LRRC36: variants seen among roughly 807,000 people sequenced by gnomAD.
LRRC36 encodes leucine-rich repeat-containing protein 36.
In LRRC36, 62 loss-of-function variants were observed where a neutral mutation model predicts 81.1. The observed-to-expected ratio is 0.76, with a 90% CI of 0.62 to 0.94. LRRC36 has a LOEUF of 0.94. Among genes scored for constraint, LRRC36 ranks in the 40% least tolerant of loss-of-function variants. The probability of loss-of-function intolerance (pLI) is 0.00; values close to 1 mark genes in which losing one functional copy is unlikely to be tolerated. For missense variants in LRRC36, 761 were observed against 881.7 expected (o/e 0.86, Z 1.73); for synonymous variants, 334 against 348.6 (o/e 0.96, Z 0.47).
In LRRC36 at chr16:67,367,444, G is replaced by A. The variant is rs766610789; in HGVS notation, c.1182G>A (p.Leu394=). 2 of 1,612,224 alleles carry A rather than the reference G, an allele frequency of 1.2e-6. No individual in the cohort carries two copies. The highest frequency in any genetic ancestry group is 2.2e-5 in the South Asian group (2 of 90,752). ...CTGACTCCAGCACTGGAAGGCTTTT[G>A]AAGCTTAGTTCAGGTAACAGCTTCC... ...SNPDSSTGRL[L]KLSSDLYATT... is the part of the protein sequence containing the mutation. The change falls in exon 8 of 14, where the codon TTG becomes TTA. Residue 394 remains leucine (L), a synonymous_variant. Coordinates refer to ENST00000329956, the MANE Select transcript of LRRC36 (RefSeq NM_018296.6).
At chr16:67,341,776 A>G (rs1257870703) in intron 1 of LRRC36, among the ~76,000 whole-genome samples, 181 bp from the exon 2 acceptor site, 2 of 152,178 alleles carry the variant, frequency 1.3e-5, no homozygotes, top group Admixed American at 6.6e-5. Flanking sequence ...CTATAAAACT[A>G]AGGTTCAATG....
intron 9 of LRRC36, chr16:67,371,497 T>C (rs916152464): frequency 8.4e-5 from 43 of 511,686 alleles, no homozygotes; most frequent in African/African-American, 7.7e-4. Context: ...CGGCTGAAGA[T>C]TGAACTCTGT....
intron 5 of LRRC36, among the ~76,000 whole-genome samples, chr16:67,359,481 G>A (rs2039050227): frequency 2.0e-5 from 3 of 152,048 alleles, no homozygotes; most frequent in Admixed American, 6.6e-5. Flanking sequence ...TGGAAGGGAG[G>A]GAAAAATTGG....
In LRRC36 at chr16:67,376,944, G is replaced by A. The variant is rs1597502824; in HGVS notation, c.1806+72G>A. 3 of 1,485,042 alleles carry A rather than the reference G, an allele frequency of 2.0e-6. No homozygotes were observed. In the East Asian group the frequency reaches 6.9e-5, roughly 34 times the overall value. 92.0% of individuals were successfully genotyped at this position (1,485,042 alleles called of 1,614,324 possible). ...TACAACATCTCTGCCTTAATGATCAGCATCACCGTGAACACCTAACCAAAA... is the reference window on the plus strand; with the variant it reads ...TACAACATCTCTGCCTTAATGATCAACATCACCGTGAACACCTAACCAAAA... On this transcript the variant is annotated intron_variant, in intron 11 of 13. Transcript: ENST00000329956.
intron 8 of LRRC36, among the ~76,000 whole-genome samples, chr16:67,369,704 A>G (rs1300835859): frequency 1.3e-5 from 2 of 152,156 alleles, no homozygotes; most frequent in African/African-American, 2.4e-5. Flanking sequence ...TGAGGAGCAA[A>G]GTCACGTCTT....
At chr16:67,351,540 C>T (rs2038635595) in intron 5 of LRRC36, among the ~76,000 whole-genome samples, 1 of 152,140 alleles carries the variant, frequency 6.6e-6, no homozygotes, top group South Asian at 2.1e-4. Context: ...AACCCCATCT[C>T]TACTAAAAAT....
chr16:67,381,634 A>G (rs1355156536), intron 12 of LRRC36, among the ~76,000 whole-genome samples: 3 of 151,716 alleles, frequency 2.0e-5, no homozygotes, highest in Non-Finnish European at 2.9e-5. Context: ...TTTTTTTTTG[A>G]GACGGAGTCT....
intron 1 of LRRC36, chr16:67,336,674 T>A (rs952176667): frequency 2.6e-5 from 4 of 152,170 alleles, no homozygotes; most frequent in African/African-American, 9.6e-5. Context: ...CAGGCTGGAC[T>A]TGAACTTCTG....
At chr16:67,356,037 T>A (rs764078079) in intron 5 of LRRC36, among the ~76,000 whole-genome samples, 4 of 152,194 alleles carry the variant, frequency 2.6e-5, no homozygotes, top group Non-Finnish European at 5.9e-5. Context: ...GAAGGTCAGG[T>A]TCTGGAGAAC....
chr16:67,331,738 A>G (rs2037500372), intron 1 of LRRC36, among the ~76,000 whole-genome samples: 1 of 152,124 alleles, frequency 6.6e-6, no homozygotes, highest in African/African-American at 2.4e-5. Context: ...CTGTAATCCC[A>G]GCACTTTGGG....
chr16:67,345,531 A>T (rs536194943), intron 2 of LRRC36, among the ~76,000 whole-genome samples: 50 of 152,220 alleles, frequency 3.3e-4, no homozygotes, highest in Admixed American at 7.9e-4. Flanking sequence ...GGGGTTGCTA[A>T]ATCCACAAGA....
intron 11 of LRRC36, 37 bp downstream of exon 11, chr16:67,376,909 G>A: frequency 1.3e-6 from 2 of 1,571,976 alleles, no homozygotes; most frequent in Non-Finnish European, 1.7e-6. Flanking sequence ...AAAGGACAGA[G>A]CAGCAGAACT....
chr16:67,367,659 G>A (rs532715679), intron 8 of LRRC36, among the ~76,000 whole-genome samples: 1 of 152,296 alleles, frequency 6.6e-6, no homozygotes, highest in Non-Finnish European at 1.5e-5. Context: ...AAATTTGTAG[G>A]AAAGTGAGCA....
At chr16:67,346,601 T>C (rs1258718577) in intron 3 of LRRC36, among the ~76,000 whole-genome samples, 153 bp downstream of exon 3, 1 of 152,238 alleles carries the variant, frequency 6.6e-6, no homozygotes, top group Non-Finnish European at 1.5e-5. Flanking sequence ...GCAGGATGTA[T>C]GACGAGTTCT....
At chr16:67,333,742 A>G (rs2037613631) in intron 1 of LRRC36, among the ~76,000 whole-genome samples, 1 of 152,020 alleles carries the variant, frequency 6.6e-6, no homozygotes, top group African/African-American at 2.4e-5. Context: ...TTCCTTTTTT[A>G]AAAAAATTAA....
rs71145967 is a variant in LRRC36 at position 67,338,865 on chromosome 16, ATTTTTTTTTTTTTTTTT to A, written c.71-3062_71-3046del. ...TTTCTAATTTCTGCTTGGAAGCTGA[ATTTTTTTTTTTTTTTTT>A]TTTTTTTTTTTTTTTTTTTTTTTTT... On this transcript the variant is annotated intron_variant, in intron 1 of 13. Transcript: ENST00000329956. 3.9e-3 allele frequency among the ~76,000 whole-genome samples: 176 copies of A among 45,380 alleles called. 1 individual carries two copies. The highest frequency in any genetic ancestry group is 0.03 in the Middle Eastern group (2 of 66). 29.8% of individuals were successfully genotyped at this position (45,380 alleles called of 152,430 possible).
In LRRC36 at chr16:67,378,657, G is replaced by A; in HGVS notation, c.1875G>A (p.Gln625=). The part of the protein sequence containing the change: ...ENLILSEKIQ[Q]LEEGAAISIV... ...TCATTTTGTCAGAAAAAATTCAACA[G>A]TTGGAGGAAGGTGCTGCCATCTCAA... The change falls in exon 12 of 14, where the codon CAG becomes CAA. Residue 625 remains glutamine (Q), a synonymous_variant. Coordinates refer to ENST00000329956, the MANE Select transcript of LRRC36 (RefSeq NM_018296.6). 6.2e-7 allele frequency: 1 copy of A among 1,614,166 alleles called. No homozygotes were observed. The highest frequency in any genetic ancestry group is 1.6e-4 in the Middle Eastern group (1 of 6,062).
intron 1 of LRRC36, among the ~76,000 whole-genome samples, chr16:67,333,484 C>A (rs2037599652): frequency 6.6e-6 from 1 of 152,226 alleles, no homozygotes; most frequent in East Asian, 1.9e-4. Context: ...CAATGTTGTG[C>A]AAGCATCATT....
chr16:67,353,933 T>A (rs1356977532), intron 5 of LRRC36, among the ~76,000 whole-genome samples: 2 of 152,190 alleles, frequency 1.3e-5, no homozygotes, highest in African/African-American at 2.4e-5. Flanking sequence ...GCTGCCAGAT[T>A]AATTCTCTTA....
Sources: gnomAD v4.1 joint callset for allele counts (sites outside exome capture counted in the v4.1 genomes callset) on GRCh38, gnomAD v4.1.1 for gene constraint, MANE v1.5 for transcripts, NCBI Gene and HGNC (gene_info 2026-07-23, HGNC 2026-07-21) for gene names.